The following P2RY11 variants were observed in gnomAD, a reference collection of about 807,000 sequenced individuals.
P2RY11 encodes P2Y purinoceptor 11.
A neutral mutation model predicts 2.4 loss-of-function variants in P2RY11; 3 were observed. That is an observed-to-expected ratio of 1.22 (90% CI 0.56 to 3.17). P2RY11 has a LOEUF of 3.17. P2RY11 is among the 30% of genes most tolerant of loss of function. P2RY11 has a pLI of 0.03. For synonymous variants in P2RY11, 307 were observed against 237.3 expected, an observed-to-expected ratio of 1.29 and a Z score of -2.70; for missense variants, 670 against 528.2, an observed-to-expected ratio of 1.27 and a Z score of -2.63.
Position 10,114,369 on chromosome 19 carries a change from T to G in P2RY11, c.756T>G (p.Ser252Arg), listed in dbSNP as rs1599322084. 1 of 1,606,374 alleles carries G rather than the reference T, an allele frequency of 6.2e-7. No homozygotes were observed. Among genetic ancestry groups the G allele is most frequent in the Non-Finnish European group, 8.5e-7 (1 of 1,179,442 alleles). ...TGCGTGTGGCAGCGTTGGTGGCCAG[T>G]GGTGTGGCCCTCTACGCCAGCTCCT... ...EKLRVAALVA[S>R]GVALYASSYV... The change falls in exon 2 of 2, where the codon AGT becomes AGG. Residue 252 changes from serine to arginine, a missense_variant. By Grantham distance (110) the Ser-to-Arg change is moderately radical. Coordinates refer to ENST00000321826, the MANE Select transcript of P2RY11 (RefSeq NM_002566.5).
Position 10,115,150 on chromosome 19 carries a change from A to G in P2RY11, c.*412A>G. The G allele has an allele frequency of 1.2e-6, 2 of 1,613,510 alleles. No homozygotes were observed. The highest frequency in any genetic ancestry group is 1.7e-6 in the Non-Finnish European group (2 of 1,179,868). On this transcript the variant is annotated 3_prime_UTR_variant, in exon 2 of 2. Coordinates refer to ENST00000321826, the MANE Select transcript of P2RY11 (RefSeq NM_002566.5). ...ACGGCCTGGGGTAGGGGAGGGTGGC[A>G]GGTATAAGACTTCTGGGGGCACCCC...
At chr19:10,112,942 CA>C (rs917287374) in intron 1 of P2RY11, among the ~76,000 whole-genome samples, 8 of 144,468 alleles carry the variant, frequency 5.5e-5, no homozygotes, top group Admixed American at 7.0e-5. Context: ...GACTCTGTCT[CA>C]AAAAAAAAAG....
intron 1 of P2RY11, 117 bp from the exon 2 acceptor site, chr19:10,113,516 G>C (rs776241125): frequency 9.1e-6 from 13 of 1,420,914 alleles, no homozygotes; most frequent in Non-Finnish European, 1.1e-5. Context: ...TCCCCCTCCA[G>C]GGAGGGGAAA....
chr19:10,113,992 C>G lies in P2RY11; in HGVS notation c.379C>G (p.Arg127Gly), dbSNP rs202092921. ...CTTCATCACCTGCATCAGCCTCAACCGCTACCTGGGCATCGTGCACCCCTT... is the reference window on the plus strand; with the variant it reads ...CTTCATCACCTGCATCAGCCTCAACGGCTACCTGGGCATCGTGCACCCCTT... ...VIFITCISLN[R>G]YLGIVHPFFA... Residue 127 changes from arginine to glycine, a missense_variant, in exon 2 of 2, where the codon CGC becomes GGC. Arg to Gly is a moderately radical substitution (Grantham distance 125, BLOSUM62 -2). Transcript: ENST00000321826. 4 of 1,601,548 alleles carry G rather than the reference C, an allele frequency of 2.5e-6. No individual in the cohort carries two copies. The Admixed American group carries it at 5.0e-5, about 20-fold the overall frequency.
Position 10,115,149 on chromosome 19 carries a change from C to T in P2RY11, c.*411C>T, listed in dbSNP as rs779458311. The stretch of plus-strand genomic sequence containing the variant: ...GACGGCCTGGGGTAGGGGAGGGTGG[C>T]AGGTATAAGACTTCTGGGGGCACCC... On this transcript the variant is annotated 3_prime_UTR_variant, in exon 2 of 2. Transcript: ENST00000321826. The T allele has an allele frequency of 1.7e-5, 28 of 1,613,292 alleles. No individual in the cohort carries two copies. The highest frequency in any genetic ancestry group is 8.8e-5 in the South Asian group (8 of 90,916).
intron 1 of P2RY11, 75 bp downstream of exon 1, chr19:10,111,815 AAC>A (rs1312100098): frequency 6.4e-7 from 1 of 1,557,772 alleles, no homozygotes; most frequent in East Asian, 2.3e-5. Flanking sequence ...GTATTGGTAA[AAC>A]ACCTAGGTCT....
At position 10,115,317 on chromosome 19, in the gene P2RY11, C is replaced by G; in HGVS notation, c.*579C>G. Reference sequence around the variant, plus strand: ...GCAGGGACCCCAGGCACAAGAGCTGCCACCCCTCTGCCCGGTTTTGGAAAA... The same window carrying G: ...GCAGGGACCCCAGGCACAAGAGCTGGCACCCCTCTGCCCGGTTTTGGAAAA... On this transcript the variant is annotated 3_prime_UTR_variant, in exon 2 of 2. Coordinates refer to ENST00000321826, the MANE Select transcript of P2RY11 (RefSeq NM_002566.5). 9.1e-7 allele frequency: 1 copy of G among 1,102,318 alleles called. No homozygotes were observed. Among genetic ancestry groups the G allele is most frequent in the Non-Finnish European group, 1.3e-6 (1 of 782,490 alleles). The allele number at this position is 1,102,318 out of a possible 1,614,324, so 68.3% of individuals were successfully genotyped here.
Position 10,113,717 on chromosome 19 carries a change from T to C in P2RY11, c.104T>C (p.Leu35Pro). Reference protein sequence around the residue: ...GFQGDFLWPILVVEFLVAVAS... With the variant: ...GFQGDFLWPIPVVEFLVAVAS... The stretch of plus-strand genomic sequence containing the variant: ...CAGGGGGACTTCCTGTGGCCCATAC[T>C]GGTGGTTGAGTTCCTGGTGGCCGTG... Residue 35 changes from leucine (L) to proline (P), a missense_variant, in exon 2 of 2, where the codon CTG (leucine) becomes CCG (proline). By Grantham distance (98) the Leu-to-Pro change is moderately conservative. Transcript: ENST00000321826. 1 of 1,610,940 alleles carries C rather than the reference T, an allele frequency of 6.2e-7. No individual in the cohort carries two copies. The highest frequency in any genetic ancestry group is 8.5e-7 in the Non-Finnish European group (1 of 1,178,078).
rs746192443 is a variant in P2RY11 at position 10,114,323 on chromosome 19, G to C, written c.710G>C (p.Gly237Ala). The C allele has an allele frequency of 1.3e-6, 2 of 1,599,592 alleles. No individual in the cohort carries two copies. Among genetic ancestry groups the C allele is most frequent in the Admixed American group, 1.7e-5 (1 of 59,944 alleles). Residue 237 changes from glycine to alanine, a missense_variant, in exon 2 of 2, where the codon GGC becomes GCC. By Grantham distance (60) the Gly-to-Ala change is moderately conservative. Coordinates refer to ENST00000321826, the MANE Select transcript of P2RY11 (RefSeq NM_002566.5). The part of the protein sequence containing the change: ...ALGRAVLRSP[G>A]MTVAEKLRVA... ...GGGCGGGCCGTGCTACGCAGCCCAG[G>C]CATGACTGTGGCCGAGAAGCTGCGT... is the stretch of plus-strand genomic sequence containing the variant.
chr19:10,113,684 G>A lies in P2RY11; in HGVS notation c.71G>A (p.Ser24Asn), dbSNP rs750827098. The change falls in exon 2 of 2, where the codon AGT becomes AAT. Residue 24 changes from serine to asparagine, a missense_variant. Physicochemically the swap from Ser to Asn is conservative, Grantham distance 46. Coordinates refer to ENST00000321826, the MANE Select transcript of P2RY11 (RefSeq NM_002566.5). ...TTGGCAGCTGCCGACGACAAACTCA[G>A]TGGGTTCCAGGGGGACTTCCTGTGG... is the stretch of plus-strand genomic sequence containing the variant. The part of the protein sequence containing the change: ...NFLAAADDKL[S>N]GFQGDFLWPI... 1 of 1,612,260 alleles carries A rather than the reference G, an allele frequency of 6.2e-7. No homozygotes were observed.
In P2RY11 at chr19:10,113,675, ACAAACTCAGTG is replaced by A; in HGVS notation, c.63_73del (p.Asp21GlufsTer14). ...GCCAACTTCTTGGCAGCTGCCGACG[ACAAACTCAGTG>A]GGTTCCAGGGGGACTTCCTGTGGCC... On this transcript the variant is annotated frameshift_variant, in exon 2 of 2. Coordinates refer to ENST00000321826, the MANE Select transcript of P2RY11 (RefSeq NM_002566.5). LOFTEE classifies it low-confidence loss of function (END_TRUNC). 6.2e-7 allele frequency: 1 copy of A among 1,612,778 alleles called. No homozygotes were observed. The highest frequency in any genetic ancestry group is 8.5e-7 in the Non-Finnish European group (1 of 1,179,152).
rs1389103423 is a variant in P2RY11, at chr19:10,114,067, G to A, written c.454G>A (p.Ala152Thr). ...RPKHAWAVSA[A>T]GWVLAALLAM... ...CAAGCACGCCTGGGCCGTGAGCGCTGCCGGCTGGGTCCTGGCCGCCCTGCT... is the reference window on the plus strand; with the variant it reads ...CAAGCACGCCTGGGCCGTGAGCGCTACCGGCTGGGTCCTGGCCGCCCTGCT... The change falls in exon 2 of 2, where the codon GCC becomes ACC. Residue 152 changes from alanine to threonine, a missense_variant. Ala to Thr is a moderately conservative substitution (Grantham distance 58). Coordinates refer to ENST00000321826, the MANE Select transcript of P2RY11 (RefSeq NM_002566.5). 1 of 1,600,470 alleles carries A rather than the reference G, an allele frequency of 6.2e-7. No homozygotes were observed. The highest frequency in any genetic ancestry group is 1.3e-5 in the African/African-American group (1 of 75,034).
intron 1 of P2RY11, 24 bp from the exon 2 acceptor site, chr19:10,113,609 G>T (rs780688907): frequency 6.3e-7 from 1 of 1,596,954 alleles, no homozygotes; most frequent in East Asian, 2.2e-5. Context: ...ATAGGGCTCA[G>T]CTGGTGACAC....
Position 10,115,332 on chromosome 19 carries a change from G to A in P2RY11, c.*594G>A, listed in dbSNP as rs1599324308. The A allele has an allele frequency of 2.6e-6, 3 of 1,162,634 alleles. No homozygotes were observed. Among genetic ancestry groups the A allele is most frequent in the Non-Finnish European group, 3.6e-6 (3 of 835,370 alleles). 72.0% of individuals were successfully genotyped at this position (1,162,634 alleles called of 1,614,324 possible). On this transcript the variant is annotated 3_prime_UTR_variant, in exon 2 of 2. Coordinates refer to ENST00000321826, the MANE Select transcript of P2RY11 (RefSeq NM_002566.5). ...ACAAGAGCTGCCACCCCTCTGCCCG[G>A]TTTTGGAAAAAAACAATAAAGGACT...
In P2RY11 at chr19:10,114,810, G is replaced by A. The variant is rs910233142; in HGVS notation, c.*72G>A. The A allele has an allele frequency of 1.8e-5, 27 of 1,528,628 alleles. No individual in the cohort carries two copies. The highest frequency in any genetic ancestry group is 7.6e-5 in the South Asian group (6 of 78,518). The allele number at this position is 1,528,628 out of a possible 1,614,324, so 94.7% of individuals were successfully genotyped here. A position where few individuals can be genotyped will look rare whatever the true frequency, so the allele number is the denominator to read the frequency against. ...ACCCTGAGGGCAGGGCCCGAGCCCCGACACATCCCTTCCCCCAAAAAGCAA... is the reference window on the plus strand; with the variant it reads ...ACCCTGAGGGCAGGGCCCGAGCCCCAACACATCCCTTCCCCCAAAAAGCAA... On this transcript the variant is annotated 3_prime_UTR_variant, in exon 2 of 2. Transcript: ENST00000321826.
chr19:10,112,936 C>T (rs189976625), intron 1 of P2RY11, among the ~76,000 whole-genome samples: 10 of 150,336 alleles, frequency 6.7e-5, no homozygotes, highest in Non-Finnish European at 1.3e-4. Flanking sequence ...GAGTGAGACT[C>T]TGTCTCAAAA....
chr19:10,113,980 A>C lies in P2RY11; in HGVS notation c.367A>C (p.Ile123Leu), dbSNP rs1276781952. 1.2e-6 allele frequency: 2 copies of C among 1,601,636 alleles called. No homozygotes were observed. The highest frequency in any genetic ancestry group is 1.1e-5 in the South Asian group (1 of 91,086). ...GGGCAGCGTCATCTTCATCACCTGC[A>C]TCAGCCTCAACCGCTACCTGGGCAT... ...LLGSVIFITCISLNRYLGIVH... is the reference protein window; with the variant it reads ...LLGSVIFITCLSLNRYLGIVH... Residue 123 changes from isoleucine (I) to leucine (L), a missense_variant, in exon 2 of 2, where the codon ATC becomes CTC. By Grantham distance (5) the Ile-to-Leu change is conservative (BLOSUM62 2). Transcript: ENST00000321826.
In P2RY11 at chr19:10,114,252, C is replaced by T; in HGVS notation, c.639C>T (p.Gly213=). The T allele has an allele frequency of 6.3e-7, 1 of 1,598,470 alleles. No homozygotes were observed. Among genetic ancestry groups the T allele is most frequent in the South Asian group, 1.1e-5 (1 of 91,012 alleles). ...ATAGCCTGGTGCTGGCGGGGTTGGG[C>T]TGCGGCCTGCCGCTGCTGCTCACGC... ...RAYSLVLAGL[G]CGLPLLLTLA... The change falls in exon 2 of 2, where the codon GGC becomes GGT. Residue 213 remains glycine (G), a synonymous_variant. Coordinates refer to ENST00000321826, the MANE Select transcript of P2RY11 (RefSeq NM_002566.5).
In P2RY11 at chr19:10,114,610, C is replaced by T. The variant is rs148344710; in HGVS notation, c.997C>T (p.Arg333Ter). Residue 333 changes from arginine (R) to a stop codon, truncating the protein, a stop_gained, in exon 2 of 2, where the codon CGA becomes TGA. Transcript: ENST00000321826. LOFTEE classifies it low-confidence loss of function (END_TRUNC). ...AGTGCCCAGCCTGGGCTGCTGCTGC[C>T]GACACTGCCCCGGCTACAGGGACAG... Reference protein sequence around the residue: ...AAVPSLGCCCRHCPGYRDSWN... With the variant: ...AAVPSLGCCC 58 of 1,613,850 alleles carry T rather than the reference C, an allele frequency of 3.6e-5. No individual in the cohort carries two copies. The highest frequency in any genetic ancestry group is 3.2e-4 in the Admixed American group (19 of 59,992).
Sources: gnomAD v4.1 joint callset for allele counts (sites outside exome capture counted in the v4.1 genomes callset) on GRCh38, gnomAD v4.1.1 for gene constraint, MANE v1.5 for transcripts, NCBI Gene and HGNC (gene_info 2026-07-23, HGNC 2026-07-21) for gene names.